The following BTBD9 variants were observed in gnomAD, a reference collection of about 807,000 sequenced individuals.
BTBD9 encodes the protein BTB domain containing 9.
BTBD9 carries 49 observed loss-of-function variants against 64.3 expected under a neutral mutation model. The observed-to-expected ratio is 0.76, with a 90% CI of 0.61 to 0.97. BTBD9 has a LOEUF of 0.97. Ranked by LOEUF, BTBD9 falls within the 50% of genes least tolerant of loss-of-function variation. The pLI is 0.00. For synonymous variants in BTBD9, 260 were observed against 274.7 expected (o/e 0.95, Z 0.53); for missense variants, 598 against 762.1 (o/e 0.78, Z 2.53).
At chr6:38,624,286 C>A (rs1481369060) in intron 1 of BTBD9, among the ~76,000 whole-genome samples, 13 of 152,212 alleles carry the variant, frequency 8.5e-5, no homozygotes, top group Non-Finnish European at 2.9e-5. Flanking sequence ...GCCACCCCAG[C>A]CAGCAGCTGC....
intron 10 of BTBD9, among the ~76,000 whole-genome samples, chr6:38,190,471 A>AG (rs1230230683): frequency 6.7e-6 from 1 of 148,984 alleles, no homozygotes; most frequent in Admixed American, 6.6e-5. Context: ...TCTGTCTAAA[A>AG]AAAAAAAAAA....
At chr6:38,496,148 G>T (rs1177317465) in intron 6 of BTBD9, among the ~76,000 whole-genome samples, 1 of 152,106 alleles carries the variant, frequency 6.6e-6, no homozygotes, top group African/African-American at 2.4e-5. Flanking sequence ...AAAACACTTG[G>T]GGCAAGCAAG....
intron 8 of BTBD9, among the ~76,000 whole-genome samples, chr6:38,267,383 A>AT (rs1286401100): frequency 6.6e-6 from 1 of 152,182 alleles, no homozygotes; most frequent in African/African-American, 2.4e-5. Context: ...GAATTCTTGG[A>AT]TTTTTACTTA....
Position 38,431,883 on chromosome 6 carries a change from G to A in BTBD9, c.1155-86790C>T, listed in dbSNP as rs773297858. ...CATTTGGAATACAATTTAACCCTGC[G>A]ACATGGCCTACAGGGGTCTTGCTAT... On this transcript the variant is annotated intron_variant, in intron 6 of 10. Transcript: ENST00000481247. 6.6e-5 allele frequency among the ~76,000 whole-genome samples: 10 copies of A among 151,992 alleles called. No individual in the cohort carries two copies. In the South Asian group the frequency reaches 1.2e-3, roughly 19 times the overall value.
At chr6:38,624,761 A>G (rs1235799335) in intron 1 of BTBD9, among the ~76,000 whole-genome samples, 2 of 152,158 alleles carry the variant, frequency 1.3e-5, no homozygotes, top group Non-Finnish European at 2.9e-5. Context: ...AAATTACATT[A>G]GAAGACAAAG....
At chr6:38,383,373 AAAAGGCATC>A (rs1766018820) in intron 6 of BTBD9, among the ~76,000 whole-genome samples, 1 of 152,214 alleles carries the variant, frequency 6.6e-6, no homozygotes, top group Non-Finnish European at 1.5e-5. Context: ...TTAACTTGTT[AAAAGGCATC>A]TATCAGAATC....
chr6:38,606,929 T>C (rs181196516), intron 1 of BTBD9, among the ~76,000 whole-genome samples: 14 of 152,250 alleles, frequency 9.2e-5, no homozygotes, highest in Admixed American at 7.2e-4. Context: ...TTATAAAACC[T>C]TGCTAAGTAA....
At chr6:38,258,462 A>T (rs1325145415) in intron 8 of BTBD9, among the ~76,000 whole-genome samples, 5 of 152,188 alleles carry the variant, frequency 3.3e-5, no homozygotes. Flanking sequence ...TGCTTCTTCT[A>T]CCAGCTGGCA....
chr6:38,496,526 G>A (rs959829283), intron 6 of BTBD9, among the ~76,000 whole-genome samples: 17 of 151,998 alleles, frequency 1.1e-4, no homozygotes, highest in Admixed American at 9.2e-4. Context: ...GCACACACAT[G>A]TAGTCCCAAC....
At position 38,175,074 on chromosome 6, in the gene BTBD9, C is replaced by T. The variant is rs1025992387; in HGVS notation, c.1750G>A (p.Asp584Asn). 1.2e-6 allele frequency: 2 copies of T among 1,614,186 alleles called. No individual in the cohort carries two copies. Among genetic ancestry groups the T allele is most frequent in the Non-Finnish European group, 1.7e-6 (2 of 1,180,028 alleles). The change falls in exon 11 of 11, where the codon GAC (aspartate) becomes AAC (asparagine). Residue 584 changes from aspartate to asparagine, a missense_variant. Asp to Asn is a conservative substitution (Grantham distance 23). Transcript: ENST00000481247. ...GDTSLAGQQL[D>N]SHALRAPSGS... ...CTAGGCGCCCGCAGCGCATGGGAGTCGAGCTGCTGACCGGCCAGGCTGGTG... is the reference window on the plus strand; with the variant it reads ...CTAGGCGCCCGCAGCGCATGGGAGTTGAGCTGCTGACCGGCCAGGCTGGTG...
intron 10 of BTBD9, among the ~76,000 whole-genome samples, chr6:38,178,751 G>C (rs1191348077): frequency 6.6e-6 from 1 of 152,034 alleles, no homozygotes; most frequent in Non-Finnish European, 1.5e-5. Context: ...GGGTGTGGGG[G>C]GGAGGGGTGG....
At chr6:38,434,976 C>A (rs1768645757) in intron 6 of BTBD9, among the ~76,000 whole-genome samples, 1 of 151,752 alleles carries the variant, frequency 6.6e-6, no homozygotes, top group African/African-American at 2.4e-5. Flanking sequence ...AGGTGGATCA[C>A]CTGAGGTCGG....
At chr6:38,410,893 A>T (rs1767396974) in intron 6 of BTBD9, among the ~76,000 whole-genome samples, 1 of 152,104 alleles carries the variant, frequency 6.6e-6, no homozygotes, top group South Asian at 2.1e-4. Context: ...ACAAGAAAAT[A>T]TCATGTCATG....
rs146069647 is a variant in BTBD9 at position 38,443,174 on chromosome 6, T to C, written c.1155-98081A>G. Among the ~76,000 whole-genome samples, 590 of 152,258 alleles carry C rather than the reference T, an allele frequency of 3.9e-3. 4 individuals carry two copies. Among genetic ancestry groups the C allele is most frequent in the African/African-American group, 0.013 (555 of 41,536 alleles). On this transcript the variant is annotated intron_variant, in intron 6 of 10. Transcript: ENST00000481247. ...AACAAAGCTAGAATTCTATACTAAC[T>C]TTATCAGAGAAGAAAAATTCAGGCT...
chr6:38,169,750 T>C lies in BTBD9; in HGVS notation c.*5235A>G. 1 of 150,352 alleles carries C rather than the reference T, an allele frequency of 6.7e-6. No homozygotes were observed. Among genetic ancestry groups the C allele is most frequent in the African/African-American group, 2.4e-5 (1 of 40,946 alleles). The allele number at this position is 150,352 out of a possible 1,614,324, so 9.3% of individuals were successfully genotyped here. On this transcript the variant is annotated 3_prime_UTR_variant, in exon 11 of 11. Coordinates refer to ENST00000481247, the MANE Select transcript of BTBD9 (RefSeq NM_001099272.2). The stretch of plus-strand genomic sequence containing the variant: ...GTGTGTAGCTCCTGGCTGCAGGGCC[T>C]CCTCCACCCCCCCTCCCCCCCGCCC...
chr6:38,490,616 G>C (rs1038213494), intron 6 of BTBD9, among the ~76,000 whole-genome samples: 4 of 152,094 alleles, frequency 2.6e-5, no homozygotes, highest in African/African-American at 9.7e-5. Context: ...CACTGTGCCC[G>C]GCCGACACAT....
intron 6 of BTBD9, among the ~76,000 whole-genome samples, chr6:38,525,214 T>G (rs139040136): frequency 1.3e-3 from 205 of 152,264 alleles, no homozygotes; most frequent in African/African-American, 4.6e-3. Context: ...GAGTGAGTTC[T>G]CACGAGATCT....
chr6:38,461,270 A>ATCC (rs1770073041), intron 6 of BTBD9, among the ~76,000 whole-genome samples: 7 of 152,198 alleles, frequency 4.6e-5, no homozygotes. Context: ...TAATGAATAT[A>ATCC]TCCATCACCC....
intron 6 of BTBD9, among the ~76,000 whole-genome samples, chr6:38,422,097 G>A (rs80280737): frequency 7.1e-4 from 108 of 152,250 alleles, no homozygotes; most frequent in East Asian, 6.9e-3. Flanking sequence ...GTTTTCATGG[G>A]GGGTAGTATC....
Sources: allele counts gnomAD v4.1 joint callset (sites outside exome capture counted in the v4.1 genomes callset), GRCh38; gene constraint gnomAD v4.1.1; transcripts MANE v1.5; gene names NCBI Gene and HGNC (gene_info 2026-07-23, HGNC 2026-07-21).